The following GRID1 variants were observed in gnomAD, a reference collection of about 807,000 sequenced individuals.
GRID1 encodes glutamate receptor ionotropic, delta-1.
Under a neutral mutation model 98.0 loss-of-function variants are expected in GRID1, and 28 were observed. The observed-to-expected ratio is 0.29, with a 90% confidence interval of 0.21 to 0.39. The LOEUF is 0.39. Among genes scored for constraint, GRID1 ranks in the 10% least tolerant of loss-of-function variants. The pLI is 1.00. For missense variants in GRID1, 1,111 were observed against 1,340.5 expected (o/e 0.83, Z 2.67); for synonymous variants, 553 against 538.5 (o/e 1.03, Z -0.37).
intron 8 of GRID1, among the ~76,000 whole-genome samples, chr10:85,779,179 T>A (rs1445010300): frequency 6.6e-6 from 1 of 152,152 alleles, no homozygotes; most frequent in Admixed American, 6.5e-5. Flanking sequence ...AAAATGTAGC[T>A]CGGAAGCCCC....
chr10:86,048,565 G>T (rs956600522), intron 4 of GRID1, among the ~76,000 whole-genome samples: 4 of 152,178 alleles, frequency 2.6e-5, no homozygotes, highest in Admixed American at 6.5e-5. Flanking sequence ...CAGGCTAGGG[G>T]CCTGGGCTGA....
chr10:85,939,463 G>T (rs1170346510), intron 4 of GRID1, among the ~76,000 whole-genome samples: 1 of 152,108 alleles, frequency 6.6e-6, no homozygotes, highest in Non-Finnish European at 1.5e-5. Context: ...CTGTCTAGAG[G>T]CCCTAGGATA....
At chr10:86,134,417 G>C (rs746522461) in intron 4 of GRID1, among the ~76,000 whole-genome samples, 1 of 152,196 alleles carries the variant, frequency 6.6e-6, no homozygotes, top group Non-Finnish European at 1.5e-5. Flanking sequence ...ATCCCTCCAG[G>C]AAGTTGAGAT....
chr10:85,718,521 T>A (rs1395327483), intron 12 of GRID1, among the ~76,000 whole-genome samples: 1 of 152,252 alleles, frequency 6.6e-6, no homozygotes, highest in Non-Finnish European at 1.5e-5. Flanking sequence ...CAGAGGTTCC[T>A]GAACCTCAAT....
chr10:85,914,200 G>A (rs1589296930), intron 5 of GRID1, among the ~76,000 whole-genome samples: 1 of 152,204 alleles, frequency 6.6e-6, no homozygotes, highest in South Asian at 2.1e-4. Flanking sequence ...GGACAGACAG[G>A]GGGCCCCTGA....
At chr10:85,890,443 A>C (rs1841183872) in intron 5 of GRID1, among the ~76,000 whole-genome samples, 1 of 152,222 alleles carries the variant, frequency 6.6e-6, no homozygotes, top group African/African-American at 2.4e-5. Context: ...ATTTAAAAAA[A>C]GAAAATGGGT....
intron 8 of GRID1, among the ~76,000 whole-genome samples, chr10:85,769,543 A>G (rs1842234056): frequency 6.6e-6 from 1 of 152,220 alleles, no homozygotes; most frequent in South Asian, 2.1e-4. Context: ...TCGGAAGTGC[A>G]AGGGGTCAGG....
chr10:85,894,276 G>T (rs1841249200), intron 5 of GRID1, among the ~76,000 whole-genome samples: 1 of 152,032 alleles, frequency 6.6e-6, no homozygotes, highest in Non-Finnish European at 1.5e-5. Context: ...ATAAAATAAG[G>T]ATTAATCTTA....
rs1222318174 is a variant in GRID1 at position 86,246,960 on chromosome 10, G to A, written c.236-40312C>T. Among the ~76,000 whole-genome samples, 3 of 152,232 alleles carry A rather than the reference G, an allele frequency of 2.0e-5. No homozygotes were observed. In the East Asian group the frequency reaches 5.8e-4, roughly 29 times the overall value. On this transcript the variant is annotated intron_variant, in intron 2 of 15. Transcript: ENST00000327946. ...TCACTAAATATGGCCCCATAAGAAT[G>A]ACTGATGTCTCCTCTGCACATTGCT...
At chr10:86,066,530 G>C (rs1843722482) in intron 4 of GRID1, among the ~76,000 whole-genome samples, 1 of 152,182 alleles carries the variant, frequency 6.6e-6, no homozygotes, top group Non-Finnish European at 1.5e-5. Context: ...AGCTGAGGGA[G>C]GTCAAACCCA....
chr10:85,980,718 G>C (rs1406868831), intron 4 of GRID1, among the ~76,000 whole-genome samples: 1 of 152,212 alleles, frequency 6.6e-6, no homozygotes, highest in Non-Finnish European at 1.5e-5. Flanking sequence ...AGTGGGGTCA[G>C]AAACAGGGAT....
At chr10:85,780,638 T>C (rs1842373211) in intron 8 of GRID1, among the ~76,000 whole-genome samples, 1 of 152,176 alleles carries the variant, frequency 6.6e-6, no homozygotes, top group South Asian at 2.1e-4. Context: ...CAAGGTTAGT[T>C]ATGACAATGG....
chr10:85,883,420 C>T (rs1220673650), intron 5 of GRID1, among the ~76,000 whole-genome samples: 5 of 152,066 alleles, frequency 3.3e-5, no homozygotes, highest in African/African-American at 9.7e-5. Context: ...TTAAACTGCA[C>T]TTTATTGTTT....
Position 85,601,097 on chromosome 10 carries a change from G to T in GRID1, c.*1176C>A, listed in dbSNP as rs1300126545. On this transcript the variant is annotated 3_prime_UTR_variant, in exon 16 of 16. Transcript: ENST00000327946. ...GTTACACTTATGCTTCTCACCTAAGGCGCAAGGCAAGGCTTCCTCCTACCC... is the reference window on the plus strand; with the variant it reads ...GTTACACTTATGCTTCTCACCTAAGTCGCAAGGCAAGGCTTCCTCCTACCC... 2 of 152,192 alleles carry T rather than the reference G, an allele frequency of 1.3e-5. No individual in the cohort carries two copies. The highest frequency in any genetic ancestry group is 4.8e-5 in the African/African-American group (2 of 41,402). The allele number at this position is 152,192 out of a possible 1,614,324, so 9.4% of individuals were successfully genotyped here. A position where few individuals can be genotyped will look rare whatever the true frequency, so the allele number is the denominator to read the frequency against.
intron 2 of GRID1, among the ~76,000 whole-genome samples, chr10:86,265,150 G>A (rs546438018): frequency 8.4e-5 from 12 of 143,126 alleles, no homozygotes; most frequent in African/African-American, 2.6e-4. Flanking sequence ...CACCCTGCCC[G>A]GCCCCCCATA....
intron 14 of GRID1, among the ~76,000 whole-genome samples, chr10:85,616,900 T>C (rs1406710171): frequency 1.3e-5 from 2 of 152,206 alleles, no homozygotes; most frequent in Admixed American, 6.5e-5. Context: ...AAATGGCTAT[T>C]AAGTTGCTAA....
At chr10:85,622,426 A>G (rs1047765291) in intron 13 of GRID1, among the ~76,000 whole-genome samples, 2 of 152,118 alleles carry the variant, frequency 1.3e-5, no homozygotes, top group East Asian at 1.9e-4. Context: ...TAAAAAAAAT[A>G]TAGACAGTCT....
chr10:85,780,812 G>T (rs565837376), intron 8 of GRID1, among the ~76,000 whole-genome samples: 1 of 152,362 alleles, frequency 6.6e-6, no homozygotes, highest in Non-Finnish European at 1.5e-5. Context: ...TCACAGTGGT[G>T]TTCTGAGGAT....
At chr10:85,750,104 T>G (rs1193794102) in intron 8 of GRID1, among the ~76,000 whole-genome samples, 1 of 152,198 alleles carries the variant, frequency 6.6e-6, no homozygotes, top group Non-Finnish European at 1.5e-5. Context: ...TCAATAAAAA[T>G]GAATGATTAT....
Sources: allele counts gnomAD v4.1 joint callset (sites outside exome capture counted in the v4.1 genomes callset), GRCh38; gene constraint gnomAD v4.1.1; transcripts MANE v1.5; gene names NCBI Gene and HGNC (gene_info 2026-07-23, HGNC 2026-07-21).